Variants in CACNB2 observed in about 807,000 individuals in gnomAD.
CACNB2 encodes the protein voltage-dependent L-type calcium channel subunit beta-2.
A neutral mutation model predicts 73.3 loss-of-function variants in CACNB2; 42 were observed. That is an observed-to-expected ratio of 0.57 (90% CI 0.45 to 0.74). The LOEUF is 0.74. CACNB2 is among the 30% of genes least tolerant of loss of function. The probability of loss-of-function intolerance (pLI) is 0.00; values close to 1 mark genes in which losing one functional copy is unlikely to be tolerated. For missense variants in CACNB2, 940 were observed against 853.0 expected (o/e 1.10, Z -1.27); for synonymous variants, 348 against 310.3 (o/e 1.12, Z -1.28).
intron 2 of CACNB2, among the ~76,000 whole-genome samples, chr10:18,152,709 C>CAAAAAAAAAAAAAAAAAAAAAAAAA (rs772732675): frequency 1.6e-4 from 8 of 49,362 alleles, no homozygotes; most frequent in South Asian, 1.1e-3. Flanking sequence ...TGAAACAGAC[C>CAAAAAAAAAAAAAAAAAAAAAAAAA]AAAAAAAAAA....
At chr10:18,400,637 CTA>C (rs2043944704) in intron 2 of CACNB2, 18 of 1,000,600 alleles carry the variant, frequency 1.8e-5, no homozygotes, top group African/African-American at 4.9e-5. Flanking sequence ...CGTTTTTGCA[CTA>C]GTTTTTTTTT....
chr10:18,189,842 A>G (rs922273571), intron 2 of CACNB2, among the ~76,000 whole-genome samples: 2 of 152,182 alleles, frequency 1.3e-5, no homozygotes, highest in African/African-American at 4.8e-5. Flanking sequence ...CTTGATCAAC[A>G]CTGGATGTTA....
At position 18,224,024 on chromosome 10, in the gene CACNB2, AT is replaced by A. The variant is rs558968276; in HGVS notation, c.213+73053del. On this transcript the variant is annotated intron_variant, in intron 2 of 13. Coordinates refer to ENST00000324631, the MANE Select transcript of CACNB2 (RefSeq NM_201596.3). The stretch of plus-strand genomic sequence containing the variant: ...TTTTTGTCCTGGGAAAAGTGGACTC[AT>A]TTTCATATCTAGAATTAATGAGGTT... Among the ~76,000 whole-genome samples, 9 of 150,648 alleles carry A rather than the reference AT, an allele frequency of 6.0e-5. No individual in the cohort carries two copies. The South Asian group carries it at 1.7e-3, about 28-fold the overall frequency.
At chr10:18,300,103 C>A (rs1274604908) in intron 2 of CACNB2, among the ~76,000 whole-genome samples, 1 of 152,036 alleles carries the variant, frequency 6.6e-6, no homozygotes, top group African/African-American at 2.4e-5. Flanking sequence ...CTCACTGCAA[C>A]CTCCACCTCC....
chr10:18,233,472 T>G (rs934897580), intron 2 of CACNB2, among the ~76,000 whole-genome samples: 13 of 152,216 alleles, frequency 8.5e-5, no homozygotes, highest in Non-Finnish European at 1.6e-4. Context: ...TCTATTGCTC[T>G]GCTAGCTAGG....
rs181025294 is a variant in CACNB2, at chr10:18,428,619, G to T, written c.333+26576G>T. On this transcript the variant is annotated intron_variant, in intron 3 of 13. Coordinates refer to ENST00000324631, the MANE Select transcript of CACNB2 (RefSeq NM_201596.3). ...GAGAATCGCTTGAATTCAGGAGGCA[G>T]AGTTTGTAGTGAGCCCAGATCACAC... Among the ~76,000 whole-genome samples the T allele has an allele frequency of 2.1e-4, 31 of 151,118 alleles. No individual in the cohort carries two copies. The East Asian group carries it at 5.8e-3, about 28-fold the overall frequency.
intron 2 of CACNB2, among the ~76,000 whole-genome samples, chr10:18,207,615 T>C (rs2131337694): frequency 6.6e-6 from 1 of 152,352 alleles, no homozygotes; most frequent in East Asian, 1.9e-4. Context: ...AAATCTGTAA[T>C]GTAAACACCT....
At chr10:18,283,825 A>G (rs2038668957) in intron 2 of CACNB2, among the ~76,000 whole-genome samples, 1 of 152,222 alleles carries the variant, frequency 6.6e-6, no homozygotes, top group Non-Finnish European at 1.5e-5. Context: ...TAATAAAAAA[A>G]TTAATAAAAA....
chr10:18,329,502 A>C (rs979400044), intron 2 of CACNB2, among the ~76,000 whole-genome samples: 1 of 136,734 alleles, frequency 7.3e-6, no homozygotes, highest in African/African-American at 2.9e-5. Context: ...CAAGTAAAAA[A>C]AGAAAAAAAA....
At chr10:18,398,593 C>T (rs2043827311) in intron 2 of CACNB2, among the ~76,000 whole-genome samples, 1 of 151,996 alleles carries the variant, frequency 6.6e-6, no homozygotes, top group Admixed American at 6.6e-5. Flanking sequence ...ATCACTTTCG[C>T]CCAGGAGGTC....
intron 2 of CACNB2, among the ~76,000 whole-genome samples, chr10:18,203,174 A>G (rs868812697): frequency 6.6e-6 from 1 of 152,160 alleles, no homozygotes; most frequent in East Asian, 1.9e-4. Flanking sequence ...TTGTTCTTTC[A>G]TCTGTATTCT....
Position 18,539,668 on chromosome 10 carries a change from T to C in CACNB2, c.1927T>C (p.Ser643Pro), listed in dbSNP as rs771883602. 4 of 1,611,296 alleles carry C rather than the reference T, an allele frequency of 2.5e-6. No individual in the cohort carries two copies. The highest frequency in any genetic ancestry group is 2.2e-5 in the East Asian group (1 of 44,800). Residue 643 changes from serine (S) to proline (P), a missense_variant, in exon 14 of 14, where the codon TCA becomes CCA. Transcript: ENST00000324631. Reference protein sequence around the residue: ...RYCEKDGEVISKKRNEAGEWN... With the variant: ...RYCEKDGEVIPKKRNEAGEWN... ...CTGTGAAAAGGATGGAGAAGTGATA[T>C]CAAAAAAACGGAATGAGGCTGGGGA...
intron 10 of CACNB2, among the ~76,000 whole-genome samples, chr10:18,530,583 G>A (rs1031153477): frequency 5.3e-5 from 8 of 151,466 alleles, no homozygotes; most frequent in African/African-American, 1.7e-4. Flanking sequence ...ATAATAAAGT[G>A]TAGAGTATAT....
At chr10:18,222,045 A>T (rs1366072179) in intron 2 of CACNB2, among the ~76,000 whole-genome samples, 3 of 152,230 alleles carry the variant, frequency 2.0e-5, no homozygotes, top group African/African-American at 7.2e-5. Context: ...AGGCAGTGAT[A>T]TCAGTAGTTG....
At chr10:18,434,220 A>G (rs566663123) in intron 3 of CACNB2, among the ~76,000 whole-genome samples, 3 of 152,304 alleles carry the variant, frequency 2.0e-5, no homozygotes, top group East Asian at 3.9e-4. Context: ...AAACAAATTT[A>G]TATTATAGAG....
intron 2 of CACNB2, among the ~76,000 whole-genome samples, chr10:18,265,893 C>T (rs375738038): frequency 6.6e-6 from 1 of 152,110 alleles, no homozygotes; most frequent in African/African-American, 2.4e-5. Context: ...TAGTTGCTAA[C>T]TACTAATAGT....
At chr10:18,324,858 C>T (rs2040522781) in intron 2 of CACNB2, among the ~76,000 whole-genome samples, 1 of 152,184 alleles carries the variant, frequency 6.6e-6, no homozygotes, top group African/African-American at 2.4e-5. Flanking sequence ...AGCGTGACTC[C>T]ATGTCAAAAC....
intron 1 of CACNB2, among the ~76,000 whole-genome samples, chr10:18,148,903 G>A (rs943532029): frequency 2.6e-5 from 4 of 151,680 alleles, no homozygotes; most frequent in African/African-American, 4.8e-5. Context: ...TGAGGTGGGA[G>A]GATTGCTTGA....
intron 2 of CACNB2, among the ~76,000 whole-genome samples, chr10:18,333,543 T>G (rs1463280145): frequency 6.6e-6 from 1 of 152,222 alleles, no homozygotes; most frequent in Non-Finnish European, 1.5e-5. Context: ...CTATGGCATG[T>G]GAAATTGTTT....
Sources: gnomAD v4.1 joint callset for allele counts (sites outside exome capture counted in the v4.1 genomes callset) on GRCh38, gnomAD v4.1.1 for gene constraint, MANE v1.5 for transcripts, NCBI Gene and HGNC (gene_info 2026-07-23, HGNC 2026-07-21) for gene names.